PAX7: variants seen among roughly 807,000 people sequenced by gnomAD.
PAX7 encodes the protein paired box 7, also known as paired box protein Pax-7.
In PAX7, 18 loss-of-function variants were observed where a neutral mutation model predicts 50.7. The ratio of observed to expected loss-of-function variants is 0.36; its 90% CI spans 0.25 to 0.53. PAX7 has a LOEUF of 0.53. Ranked by LOEUF, PAX7 falls within the 20% of genes least tolerant of loss-of-function variation. The probability of loss-of-function intolerance (pLI) is 0.93; values close to 1 mark genes in which losing one functional copy is unlikely to be tolerated. For missense variants in PAX7, 644 were observed against 702.9 expected (o/e 0.92, Z 0.95); for synonymous variants, 310 against 290.4 (o/e 1.07, Z -0.69).
intron 5 of PAX7, among the ~76,000 whole-genome samples, chr1:18,692,817 AT>A (rs1343117079): frequency 6.6e-6 from 1 of 152,154 alleles, no homozygotes; most frequent in African/African-American, 2.4e-5. Flanking sequence ...CATGGCCTCA[AT>A]ATATGGGAAG....
intron 4 of PAX7, among the ~76,000 whole-genome samples, chr1:18,645,308 G>T (rs1336994596): frequency 6.6e-6 from 1 of 152,256 alleles, no homozygotes; most frequent in East Asian, 1.9e-4. Flanking sequence ...CTGGGCTGCG[G>T]AGCCTCTTGC....
chr1:18,713,626 C>A (rs1265638908), intron 7 of PAX7, among the ~76,000 whole-genome samples: 1 of 152,166 alleles, frequency 6.6e-6, no homozygotes, highest in South Asian at 2.1e-4. Flanking sequence ...AGAGACAATA[C>A]TCCTCATCCC....
chr1:18,652,936 G>T (rs1178718948), intron 4 of PAX7, among the ~76,000 whole-genome samples: 2 of 152,194 alleles, frequency 1.3e-5, no homozygotes, highest in Non-Finnish European at 2.9e-5. Flanking sequence ...GTAGATGAAA[G>T]CACAGCTCAG....
intron 7 of PAX7, among the ~76,000 whole-genome samples, chr1:18,722,502 G>A (rs146624869): frequency 4.6e-5 from 7 of 152,268 alleles, no homozygotes; most frequent in South Asian, 2.1e-4. Context: ...ATTCACAGGC[G>A]CTTTATCCTC....
In PAX7 at chr1:18,668,017, G is replaced by A. The variant is rs563932816; in HGVS notation, c.587-23737G>A. 2.6e-4 allele frequency among the ~76,000 whole-genome samples: 39 copies of A among 152,214 alleles called. 1 individual carries two copies. In the South Asian group the frequency reaches 6.7e-3, roughly 26 times the overall value. ...ACCGAGTAAAATATGGGAAACTTCCGGGCAAAACCCAGGAGCCCAGGAGCA... is the reference window on the plus strand; with the variant it reads ...ACCGAGTAAAATATGGGAAACTTCCAGGCAAAACCCAGGAGCCCAGGAGCA... On this transcript the variant is annotated intron_variant, in intron 4 of 8. Coordinates refer to ENST00000420770, the MANE Select transcript of PAX7 (RefSeq NM_001135254.2).
chr1:18,670,253 TG>T (rs1294564913), intron 4 of PAX7, among the ~76,000 whole-genome samples: 1 of 152,202 alleles, frequency 6.6e-6, no homozygotes. Flanking sequence ...AGTAAGTGCC[TG>T]TAGCTTGGTG....
Position 18,745,248 on chromosome 1 carries a change from A to C in PAX7, c.*319A>C. 2.5e-6 allele frequency: 1 copy of C among 396,112 alleles called. No individual in the cohort carries two copies. Among genetic ancestry groups the C allele is most frequent in the Non-Finnish European group, 4.6e-6 (1 of 217,132 alleles). The allele number at this position is 396,112 out of a possible 1,614,324, so 24.5% of individuals were successfully genotyped here. ...ATGGAGATTGGGGCCCACCTTGAACACCTTGGGTGTCCAGAGGAGGATGGT... is the reference window on the plus strand; with the variant it reads ...ATGGAGATTGGGGCCCACCTTGAACCCCTTGGGTGTCCAGAGGAGGATGGT... On this transcript the variant is annotated 3_prime_UTR_variant, in exon 9 of 9. Coordinates refer to ENST00000420770, the MANE Select transcript of PAX7 (RefSeq NM_001135254.2).
chr1:18,716,936 T>C (rs2089431871), intron 7 of PAX7, among the ~76,000 whole-genome samples: 1 of 150,338 alleles, frequency 6.7e-6, no homozygotes, highest in Non-Finnish European at 1.5e-5. Flanking sequence ...GGGCGCGGGC[T>C]CCCGAGGCCG....
intron 7 of PAX7, among the ~76,000 whole-genome samples, chr1:18,727,368 T>TA (rs1553143113): frequency 1.2e-3 from 62 of 52,252 alleles, no homozygotes; most frequent in Non-Finnish European, 2.0e-3. Context: ...TCTCTCTCTC[T>TA]CATACACACA....
chr1:18,724,541 A>G (rs1171557885), intron 7 of PAX7, among the ~76,000 whole-genome samples: 1 of 152,174 alleles, frequency 6.6e-6, no homozygotes, highest in Non-Finnish European at 1.5e-5. Context: ...AGACTGTCCT[A>G]TGAAGCCAGT....
chr1:18,738,913 A>C (rs1930961578), intron 8 of PAX7, among the ~76,000 whole-genome samples: 1 of 152,088 alleles, frequency 6.6e-6, no homozygotes, highest in South Asian at 2.1e-4. Context: ...CTCCTTTGGC[A>C]TTTTGGAGGC....
intron 4 of PAX7, among the ~76,000 whole-genome samples, chr1:18,665,899 T>C (rs1570142976): frequency 6.6e-6 from 1 of 151,596 alleles, no homozygotes; most frequent in Middle Eastern, 3.5e-3. Context: ...CTCAAACTCC[T>C]GACCTCTGGT....
At chr1:18,671,511 G>A (rs1308226038) in intron 4 of PAX7, among the ~76,000 whole-genome samples, 1 of 152,188 alleles carries the variant, frequency 6.6e-6, no homozygotes, top group African/African-American at 2.4e-5. Context: ...GCCCCAGTGG[G>A]CCAGGTGGGA....
chr1:18,634,982 G>A lies in PAX7; in HGVS notation c.322-129G>A. The stretch of plus-strand genomic sequence containing the variant: ...TTGAAAGGATAAAGCCAATCTCTTG[G>A]GGGATGGGGGGACACAAGGTAACCA... On this transcript the variant is annotated intron_variant, in intron 2 of 8. Transcript: ENST00000420770. The surrounding 1 kb of genome is among the most constrained non-coding windows in gnomAD (Gnocchi z 4.0). 1 of 1,175,152 alleles carries A rather than the reference G, an allele frequency of 8.5e-7. No homozygotes were observed. Among genetic ancestry groups the A allele is most frequent in the South Asian group, 1.6e-5 (1 of 60,618 alleles). The allele number at this position is 1,175,152 out of a possible 1,614,324, so 72.8% of individuals were successfully genotyped here.
chr1:18,702,099 G>A (rs2089229634), intron 6 of PAX7, among the ~76,000 whole-genome samples: 1 of 152,014 alleles, frequency 6.6e-6, no homozygotes, highest in Admixed American at 6.6e-5. Flanking sequence ...TTGGGAGGCT[G>A]AGGCGGGCGG....
chr1:18,703,476 G>A (rs771379293), intron 7 of PAX7, among the ~76,000 whole-genome samples, 180 bp downstream of exon 7: 10 of 152,238 alleles, frequency 6.6e-5, no homozygotes, highest in Non-Finnish European at 1.2e-4. Context: ...TTTTCACCAG[G>A]AGTGACCAAT....
intron 7 of PAX7, among the ~76,000 whole-genome samples, chr1:18,708,135 G>A (rs2089307160): frequency 6.6e-6 from 1 of 152,098 alleles, no homozygotes; most frequent in African/African-American, 2.4e-5. Flanking sequence ...AAGGAATCCT[G>A]CTCATGAGAC....
chr1:18,631,578 T>C lies in PAX7; in HGVS notation c.-26T>C. 6.2e-7 allele frequency: 1 copy of C among 1,603,880 alleles called. No individual in the cohort carries two copies. Among genetic ancestry groups the C allele is most frequent in the Non-Finnish European group, 8.5e-7 (1 of 1,174,408 alleles). ...GACGGGAAGCGATTTTTGCCGACTT[T>C]GGATTCGTCCCCGGCGTGCGCAAGA... is the stretch of plus-strand genomic sequence containing the variant. On this transcript the variant is annotated 5_prime_UTR_variant, in exon 1 of 9. Transcript: ENST00000420770.
intron 7 of PAX7, among the ~76,000 whole-genome samples, chr1:18,703,760 A>G (rs1485618730): frequency 2.0e-5 from 3 of 152,244 alleles, no homozygotes; most frequent in Non-Finnish European, 4.4e-5. Flanking sequence ...TGATGGGCTC[A>G]TTTTTTTGTA....
Sources: allele counts gnomAD v4.1 joint callset (sites outside exome capture counted in the v4.1 genomes callset), GRCh38; gene constraint gnomAD v4.1.1; non-coding constraint Gnocchi (gnomAD v3.1); transcripts MANE v1.5; gene names NCBI Gene and HGNC (gene_info 2026-07-23, HGNC 2026-07-21).